PCDHA2: variants seen among roughly 807,000 people sequenced by gnomAD.
PCDHA2 encodes protocadherin alpha-2.
Under a neutral mutation model 66.0 loss-of-function variants are expected in PCDHA2, and 58 were observed. That is an observed-to-expected ratio of 0.88 (90% CI 0.71 to 1.09). PCDHA2 has a LOEUF of 1.09. Among genes scored for constraint, PCDHA2 ranks in the 50% least tolerant of loss-of-function variants. The pLI, the probability that PCDHA2 is intolerant of heterozygous loss-of-function variation, is 0.00. For synonymous variants in PCDHA2, 634 were observed against 554.0 expected (o/e 1.14, Z -2.03); for missense variants, 1,267 against 1,242.3 (o/e 1.02, Z -0.30).
chr5:140,821,827 C>T (rs1458334239), intron 1 of PCDHA2: 7 of 1,614,136 alleles, frequency 4.3e-6, no homozygotes, highest in Non-Finnish European at 5.9e-6. Flanking sequence ...GCTGCTCTGG[C>T]TTCTCCTTGC....
At position 140,807,745 on chromosome 5, in the gene PCDHA2, C is replaced by T. The variant is rs782662590; in HGVS notation, c.2388+10393C>T. On this transcript the variant is annotated intron_variant, in intron 1 of 3. Transcript: ENST00000526136. ...TTTCTCTGGAAAAACCACCTGATGA[C>T]GAGCTGGTAAAAGGTCTTGGGCTTA... 19 of 1,614,132 alleles carry T rather than the reference C, an allele frequency of 1.2e-5. No homozygotes were observed. In the Admixed American group the frequency reaches 3.2e-4, roughly 27 times the overall value.
chr5:140,877,366 A>G (rs1358364554), intron 1 of PCDHA2: 1 of 1,613,868 alleles, frequency 6.2e-7, no homozygotes, highest in Non-Finnish European at 8.5e-7. Context: ...TGGCGAGATC[A>G]GCACGACACG....
chr5:140,875,449 A>T, intron 1 of PCDHA2: 2 of 1,590,426 alleles, frequency 1.3e-6, no homozygotes, highest in Non-Finnish European at 8.6e-7. Flanking sequence ...GATTGTCCCA[A>T]CTCAGAGGCC....
At chr5:140,943,608 T>C (rs1585137347) in intron 1 of PCDHA2, among the ~76,000 whole-genome samples, 1 of 152,184 alleles carries the variant, frequency 6.6e-6, no homozygotes, top group Non-Finnish European at 1.5e-5. Flanking sequence ...ATATAGACTT[T>C]GATTCATCTG....
rs182070121 is a variant in PCDHA2, at chr5:140,953,927, G to A, written c.2389-25022G>A. On this transcript the variant is annotated intron_variant, in intron 1 of 3. Coordinates refer to ENST00000526136, the MANE Select transcript of PCDHA2 (RefSeq NM_018905.3). ...GCATCCATTAGGTATTCTTCCTGAT[G>A]CTCTCCCTCCCATTGCTCCCCCAAC... Among the ~76,000 whole-genome samples the A allele has an allele frequency of 2.1e-3, 313 of 152,142 alleles. 1 individual carries two copies. The highest frequency in any genetic ancestry group is 7.1e-3 in the African/African-American group (295 of 41,500).
At chr5:140,872,232 G>A (rs2053558420) in intron 1 of PCDHA2, among the ~76,000 whole-genome samples, 1 of 149,716 alleles carries the variant, frequency 6.7e-6, no homozygotes, top group South Asian at 2.1e-4. Flanking sequence ...CTTTACTTTT[G>A]TCTTTATTCC....
At chr5:140,869,800 T>C (rs782065808) in intron 1 of PCDHA2, 2 of 1,612,808 alleles carry the variant, frequency 1.2e-6, no homozygotes, top group Non-Finnish European at 1.7e-6. Context: ...AGTCCAAGTC[T>C]TGGATGTCAA....
chr5:141,010,124 G>A lies in PCDHA2; in HGVS notation c.*187G>A. ...GGTTTTGTCGTAAAAGCTTTACTAAGTCTGGTGTTAACTCTTTCTCTCCAC... is the reference window on the plus strand; with the variant it reads ...GGTTTTGTCGTAAAAGCTTTACTAAATCTGGTGTTAACTCTTTCTCTCCAC... On this transcript the variant is annotated 3_prime_UTR_variant, in exon 4 of 4. Coordinates refer to ENST00000526136, the MANE Select transcript of PCDHA2 (RefSeq NM_018905.3). The A allele has an allele frequency of 1.2e-6, 2 of 1,605,172 alleles. No homozygotes were observed. The highest frequency in any genetic ancestry group is 1.7e-6 in the Non-Finnish European group (2 of 1,175,146).
intron 1 of PCDHA2, chr5:140,870,140 C>G: frequency 6.2e-7 from 1 of 1,614,040 alleles, no homozygotes; most frequent in Non-Finnish European, 8.5e-7. Flanking sequence ...AACGATAACT[C>G]TCCTGAAGTC....
At chr5:140,876,251 G>T in intron 1 of PCDHA2, 1 of 1,614,008 alleles carries the variant, frequency 6.2e-7, no homozygotes, top group South Asian at 1.1e-5. Context: ...AACGACACAA[G>T]AGTGATCCAA....
intron 1 of PCDHA2, chr5:140,853,286 T>G: frequency 2.0e-6 from 2 of 981,814 alleles, no homozygotes; most frequent in Non-Finnish European, 2.5e-6. Flanking sequence ...CATATGCAAA[T>G]TCTCAGAAGG....
chr5:140,850,733 G>T (rs2150496499), intron 1 of PCDHA2: 1 of 1,598,010 alleles, frequency 6.3e-7, no homozygotes, highest in East Asian at 2.2e-5. Context: ...GCGCGGTGGG[G>T]AGTTGGTCGT....
At chr5:140,869,275 G>T in intron 1 of PCDHA2, 1 of 1,613,584 alleles carries the variant, frequency 6.2e-7, no homozygotes, top group Non-Finnish European at 8.5e-7. Context: ...GGAGCTGGCG[G>T]AGCTGGTGCA....
At chr5:140,834,417 C>A (rs1772976539) in intron 1 of PCDHA2, 5 of 1,611,544 alleles carry the variant, frequency 3.1e-6, no homozygotes, top group Non-Finnish European at 3.4e-6. Flanking sequence ...CCCAGGGGGC[C>A]GACATCTACT....
At chr5:140,941,210 TCTTC>T (rs1480454721) in intron 1 of PCDHA2, among the ~76,000 whole-genome samples, 2,917 of 100,514 alleles carry the variant, frequency 0.029, 68 homozygotes, top group South Asian at 0.045. Flanking sequence ...TTCCTTTCTT[TCTTC>T]CTTTCTTTCT....
intron 1 of PCDHA2, among the ~76,000 whole-genome samples, chr5:140,972,665 T>A (rs1554234345): frequency 6.7e-6 from 1 of 148,584 alleles, no homozygotes; most frequent in Non-Finnish European, 1.5e-5. Flanking sequence ...ACCAAATTTT[T>A]TTTTTTTTTT....
chr5:140,856,440 G>A, intron 1 of PCDHA2: 1 of 1,598,404 alleles, frequency 6.3e-7, no homozygotes, highest in Non-Finnish European at 8.6e-7. Context: ...AACCCGCCCA[G>A]GTTCTCCGTA....
At chr5:140,811,329 G>C (rs1320139651) in intron 1 of PCDHA2, 2 of 152,082 alleles carry the variant, frequency 1.3e-5, no homozygotes, top group African/African-American at 4.8e-5. Flanking sequence ...CTCTACAAAG[G>C]ACATGAACTC....
intron 1 of PCDHA2, among the ~76,000 whole-genome samples, chr5:140,893,446 A>C (rs1305001651): frequency 6.6e-6 from 1 of 152,132 alleles, no homozygotes; most frequent in Non-Finnish European, 1.5e-5. Flanking sequence ...TGAAGCCAGG[A>C]GTTCAAGACC....
Sources: allele counts gnomAD v4.1 joint callset (sites outside exome capture counted in the v4.1 genomes callset), GRCh38; gene constraint gnomAD v4.1.1; transcripts MANE v1.5; gene names NCBI Gene and HGNC (gene_info 2026-07-23, HGNC 2026-07-21).